The following NCKAP5L variants were observed in gnomAD, a reference collection of about 807,000 sequenced individuals.
NCKAP5L encodes the protein nck-associated protein 5-like.
A neutral mutation model predicts 103.2 loss-of-function variants in NCKAP5L; 54 were observed. That is an observed-to-expected ratio of 0.52 (90% CI 0.42 to 0.66). The LOEUF (loss-of-function observed/expected upper bound fraction) is 0.66. NCKAP5L is among the 30% of genes least tolerant of loss of function. NCKAP5L has a pLI of 0.00. For missense variants in NCKAP5L, 1,733 were observed against 1,750.6 expected, an observed-to-expected ratio of 0.99 and a Z score of 0.18; for synonymous variants, 762 against 748.6, an observed-to-expected ratio of 1.02 and a Z score of -0.29.
chr12:49,823,175 T>C lies in NCKAP5L; in HGVS notation c.-99+5147A>G, dbSNP rs1303077159. Among the ~76,000 whole-genome samples, 4 of 151,992 alleles carry C rather than the reference T, an allele frequency of 2.6e-5. No homozygotes were observed. In the East Asian group the frequency reaches 7.7e-4, roughly 29 times the overall value. The stretch of plus-strand genomic sequence containing the variant: ...TTGGTCAGGGGCACTTCCACCTGGG[T>C]AAAAGTTGGGTTTATTCTAGGTCCC... On this transcript the variant is annotated intron_variant, in intron 1 of 12. Coordinates refer to ENST00000335999, the MANE Select transcript of NCKAP5L (RefSeq NM_001037806.4).
intron 1 of NCKAP5L, among the ~76,000 whole-genome samples, chr12:49,819,182 G>A (rs1946333950): frequency 6.6e-6 from 1 of 151,860 alleles, no homozygotes; most frequent in African/African-American, 2.4e-5. Flanking sequence ...CGTGGTCGTG[G>A]GCACCTGTAG....
chr12:49,810,295 C>T (rs1218956888), intron 1 of NCKAP5L, among the ~76,000 whole-genome samples: 1 of 152,234 alleles, frequency 6.6e-6, no homozygotes, highest in African/African-American at 2.4e-5. Flanking sequence ...CCCAAAAGTC[C>T]AGCCCAGGCC....
rs775172292 is a variant in NCKAP5L at position 49,793,723 on chromosome 12, C to A, written c.3258+11G>T. On this transcript the variant is annotated intron_variant, in intron 9 of 12. Coordinates refer to ENST00000335999, the MANE Select transcript of NCKAP5L (RefSeq NM_001037806.4). ...CAGGCCGTCCACCCAGTCCCTACCC[C>A]AAGAACTTACCTTTCCAGGAGGTTT... is the stretch of plus-strand genomic sequence containing the variant. 3 of 1,541,890 alleles carry A rather than the reference C, an allele frequency of 1.9e-6. No individual in the cohort carries two copies. The highest frequency in any genetic ancestry group is 2.5e-5 in the South Asian group (2 of 79,670).
At position 49,794,728 on chromosome 12, in the gene NCKAP5L, CCCACCAAGCCCCTGTTGACTGAT is replaced by C; in HGVS notation, c.3095+14_3095+36del. Reference sequence around the variant, plus strand: ...CCCACGAAGGGAAAAGTGCCCCAAGCCCACCAAGCCCCTGTTGACTGATCCCAGGACCTCACCTGTTTAGCAGC... The same window carrying C: ...CCCACGAAGGGAAAAGTGCCCCAAGCCCCAGGACCTCACCTGTTTAGCAGC... On this transcript the variant is annotated intron_variant, in intron 8 of 12. Coordinates refer to ENST00000335999, the MANE Select transcript of NCKAP5L (RefSeq NM_001037806.4). 1 of 1,414,368 alleles carries C rather than the reference CCCACCAAGCCCCTGTTGACTGAT, an allele frequency of 7.1e-7. No individual in the cohort carries two copies. Among genetic ancestry groups the C allele is most frequent in the Non-Finnish European group, 9.3e-7 (1 of 1,074,536 alleles). The allele number at this position is 1,414,368 out of a possible 1,614,324, so 87.6% of individuals were successfully genotyped here.
rs371435624 is a variant in NCKAP5L, at chr12:49,795,211, G to A, written c.2649C>T (p.Ile883=). The A allele has an allele frequency of 1.5e-5, 24 of 1,575,756 alleles. No homozygotes were observed. Among genetic ancestry groups the A allele is most frequent in the African/African-American group, 4.1e-5 (3 of 73,596 alleles). ...CAATGCCCTTCATCACCTTCTCCTCGATGGCTGAGTGTGGGGCCAGCCCCT... is the reference window on the plus strand; with the variant it reads ...CAATGCCCTTCATCACCTTCTCCTCAATGGCTGAGTGTGGGGCCAGCCCCT... ...GPEGLAPHSA[I]EEKVMKGIEE... The change falls in exon 8 of 13, where the codon ATC becomes ATT. Residue 883 remains isoleucine, a synonymous_variant. Coordinates refer to ENST00000335999, the MANE Select transcript of NCKAP5L (RefSeq NM_001037806.4).
chr12:49,809,819 C>T (rs1198230522), intron 1 of NCKAP5L, among the ~76,000 whole-genome samples: 1 of 152,160 alleles, frequency 6.6e-6, no homozygotes, highest in Admixed American at 6.5e-5. Context: ...AGAATTCCAA[C>T]TGGTCTCCTC....
At chr12:49,825,081 C>T (rs1175820972) in intron 1 of NCKAP5L, among the ~76,000 whole-genome samples, 2 of 152,206 alleles carry the variant, frequency 1.3e-5, no homozygotes, top group African/African-American at 4.8e-5. Context: ...ACACTCACCA[C>T]CGCATGAATC....
chr12:49,820,594 C>T (rs139098320), intron 1 of NCKAP5L, among the ~76,000 whole-genome samples: 2,354 of 152,256 alleles, frequency 0.015, 66 homozygotes, highest in East Asian at 0.14. Flanking sequence ...GGATTACAGG[C>T]GTGAGCCACT....
At chr12:49,801,084 C>A (rs1946112909) in intron 6 of NCKAP5L, among the ~76,000 whole-genome samples, 1 of 152,222 alleles carries the variant, frequency 6.6e-6, no homozygotes, top group African/African-American at 2.4e-5. Context: ...TACCAGTGAG[C>A]AGAGGGGCTG....
In NCKAP5L at chr12:49,797,324, G is replaced by A. The variant is rs372380277; in HGVS notation, c.536C>T (p.Ala179Val). The change falls in exon 8 of 13, where the codon GCC becomes GTC. Residue 179 changes from alanine (A) to valine (V), a missense_variant. Ala to Val is a moderately conservative substitution (Grantham distance 64). Transcript: ENST00000335999. This position sits in a 1 kb window ranked among gnomAD's most constrained non-coding sequence, Gnocchi z 4.5. ...CTTCTTCCGAAGGAACGGGGATAGG[G>A]CATCCAGCGCTGGGGGTGGGGCGGC... ...PPAAPPPALD[A>V]LSPFLRKKAQ... is the part of the protein sequence containing the mutation. The A allele has an allele frequency of 4.4e-4, 708 of 1,612,898 alleles. 14 individuals carry two copies. The South Asian group carries it at 6.8e-3, about 16-fold the overall frequency.
intron 1 of NCKAP5L, among the ~76,000 whole-genome samples, chr12:49,825,314 C>T (rs1429392145): frequency 6.6e-6 from 1 of 152,120 alleles, no homozygotes; most frequent in Non-Finnish European, 1.5e-5. Flanking sequence ...GGGGAACCTG[C>T]CAGGTTCGGG....
At position 49,798,443 on chromosome 12, in the gene NCKAP5L, C is replaced by T. The variant is rs745540635; in HGVS notation, c.372G>A (p.Gln124=). The T allele has an allele frequency of 6.3e-7, 1 of 1,579,436 alleles. No homozygotes were observed. Among genetic ancestry groups the T allele is most frequent in the Non-Finnish European group, 8.6e-7 (1 of 1,162,588 alleles). The change falls in exon 7 of 13, where the codon CAG becomes CAA. Residue 124 remains glutamine (Q), a synonymous_variant. Coordinates refer to ENST00000335999, the MANE Select transcript of NCKAP5L (RefSeq NM_001037806.4). ...SLPQIPLTPL[Q]PPSEPPASPS... ...GGGAGGCTGGTGGCTCTGATGGTGG[C>T]TGGAGTGGAGTGAGTGGGATCTGCA...
chr12:49,828,065 C>T (rs1164200750), intron 1 of NCKAP5L, among the ~76,000 whole-genome samples: 1 of 130,682 alleles, frequency 7.7e-6, no homozygotes, highest in Non-Finnish European at 1.6e-5. Flanking sequence ...ACGGAGTGTG[C>T]GCGAGGATGG....
intron 1 of NCKAP5L, among the ~76,000 whole-genome samples, chr12:49,813,479 A>G (rs1946263076): frequency 6.6e-6 from 1 of 152,052 alleles, no homozygotes; most frequent in Admixed American, 6.6e-5. Context: ...CTGATTTTTA[A>G]ATTGGGGATT....
intron 9 of NCKAP5L, 146 bp from the exon 10 acceptor site, chr12:49,793,579 C>A: frequency 8.1e-7 from 1 of 1,242,144 alleles, no homozygotes; most frequent in Non-Finnish European, 1.1e-6. Flanking sequence ...CCCCTGCAGA[C>A]TGGGAAGCCC....
intron 2 of NCKAP5L, 192 bp from the exon 3 acceptor site, chr12:49,804,272 T>C (rs768601307): frequency 2.3e-6 from 1 of 426,230 alleles, no homozygotes. Context: ...ACAGAGACCA[T>C]TGTTTTAGAA....
chr12:49,802,822 A>G lies in NCKAP5L; in HGVS notation c.231+136T>C, dbSNP rs560117324. 1.2e-4 allele frequency: 119 copies of G among 1,032,884 alleles called. No homozygotes were observed. In the African/African-American group the frequency reaches 1.7e-3, roughly 15 times the overall value. 64.0% of individuals were successfully genotyped at this position (1,032,884 alleles called of 1,614,324 possible). ...TCCCACCTCTGTCTCTAGGTAGAAC[A>G]GAATGGACCCGCCCAAGGCGGAAAG... On this transcript the variant is annotated intron_variant, in intron 5 of 12. Transcript: ENST00000335999.
intron 5 of NCKAP5L, 109 bp downstream of exon 5, chr12:49,802,849 C>CG: frequency 7.6e-7 from 1 of 1,321,976 alleles, no homozygotes; most frequent in East Asian, 2.5e-5. Context: ...GGCGGAAAGA[C>CG]GGGGAATCAC....
chr12:49,826,127 G>A (rs1946413623), intron 1 of NCKAP5L, among the ~76,000 whole-genome samples: 1 of 147,940 alleles, frequency 6.8e-6, no homozygotes, highest in South Asian at 2.2e-4. Context: ...GGGGGTGTGA[G>A]TACAGCAGTG....
Sources: gnomAD v4.1 joint callset for allele counts (sites outside exome capture counted in the v4.1 genomes callset) on GRCh38, gnomAD v4.1.1 for gene constraint, Gnocchi (gnomAD v3.1) non-coding constraint, MANE v1.5 for transcripts, NCBI Gene and HGNC (gene_info 2026-07-23, HGNC 2026-07-21) for gene names.